Variants in FSTL5 observed in about 807,000 individuals in gnomAD.
FSTL5 encodes the protein follistatin like 5.
A neutral mutation model predicts 89.1 loss-of-function variants in FSTL5; 62 were observed. That is an observed-to-expected ratio of 0.70 (90% confidence interval 0.57 to 0.86). The LOEUF (loss-of-function observed/expected upper bound fraction) is 0.86. Among genes scored for constraint, FSTL5 ranks in the 40% least tolerant of loss-of-function variants. The probability of loss-of-function intolerance (pLI) is 0.00; values close to 1 mark genes in which losing one functional copy is unlikely to be tolerated. For synonymous variants in FSTL5, 383 were observed against 346.2 expected, an observed-to-expected ratio of 1.11 and a Z score of -1.18; for missense variants, 1,057 against 1,001.6, an observed-to-expected ratio of 1.06 and a Z score of -0.75.
At chr4:161,531,799 C>A (rs972029515) in intron 10 of FSTL5, among the ~76,000 whole-genome samples, 1 of 152,130 alleles carries the variant, frequency 6.6e-6, no homozygotes, top group African/African-American at 2.4e-5. Context: ...CTGCCTATAG[C>A]TATGCTATCA....
At chr4:161,419,255 GC>G (rs1343990796) in intron 15 of FSTL5, among the ~76,000 whole-genome samples, 1 of 152,018 alleles carries the variant, frequency 6.6e-6, no homozygotes, top group African/African-American at 2.4e-5. Context: ...TATTTGCCCA[GC>G]CTTTGTAATC....
At chr4:161,401,343 T>C (rs4691754) in intron 15 of FSTL5, among the ~76,000 whole-genome samples, 7,216 of 152,284 alleles carry the variant, frequency 0.047, 435 homozygotes, top group East Asian at 0.19. Context: ...AAAGCCAAAG[T>C]ATGTTGATGA....
intron 8 of FSTL5, among the ~76,000 whole-genome samples, chr4:161,544,265 T>C (rs1731932353): frequency 6.8e-6 from 1 of 146,402 alleles, no homozygotes; most frequent in Admixed American, 7.2e-5. Context: ...ATTGAGTATG[T>C]GGAGAAACTG....
intron 15 of FSTL5, among the ~76,000 whole-genome samples, chr4:161,433,381 A>G (rs942541423): frequency 4.6e-5 from 7 of 151,956 alleles, no homozygotes; most frequent in African/African-American, 1.7e-4. Flanking sequence ...AAAAACCCTA[A>G]AAAAACTGGT....
intron 6 of FSTL5, among the ~76,000 whole-genome samples, chr4:161,739,615 G>T (rs1739934176): frequency 6.6e-6 from 1 of 152,136 alleles, no homozygotes; most frequent in Non-Finnish European, 1.5e-5. Context: ...ATACAGCAGA[G>T]GGTAAAAACT....
chr4:161,563,149 T>G (rs1247902758), intron 8 of FSTL5, among the ~76,000 whole-genome samples: 1 of 151,934 alleles, frequency 6.6e-6, no homozygotes, highest in Non-Finnish European at 1.5e-5. Flanking sequence ...TCACCCTAAC[T>G]GGAAACATAT....
At chr4:162,036,601 C>T (rs971371645) in intron 2 of FSTL5, among the ~76,000 whole-genome samples, 1 of 151,588 alleles carries the variant, frequency 6.6e-6, no homozygotes. Flanking sequence ...CTGAGTATTG[C>T]AAAATGTATA....
intron 3 of FSTL5, among the ~76,000 whole-genome samples, chr4:162,006,035 A>C (rs1312311763): frequency 6.6e-6 from 1 of 152,076 alleles, no homozygotes; most frequent in Non-Finnish European, 1.5e-5. Context: ...AACTAGTGAC[A>C]GCTATACACA....
chr4:161,759,141 A>G (rs756401079), intron 6 of FSTL5, among the ~76,000 whole-genome samples: 1 of 152,186 alleles, frequency 6.6e-6, no homozygotes, highest in Admixed American at 6.5e-5. Flanking sequence ...ATAACCTTGA[A>G]AGCAGCATTG....
chr4:161,967,172 CT>C (rs1361143103), intron 3 of FSTL5, among the ~76,000 whole-genome samples: 1 of 151,714 alleles, frequency 6.6e-6, no homozygotes, highest in Admixed American at 6.6e-5. Context: ...TTTAGTTTAC[CT>C]GAGATAGTCA....
intron 4 of FSTL5, among the ~76,000 whole-genome samples, chr4:161,792,240 T>C (rs1579096313): frequency 6.6e-6 from 1 of 152,132 alleles, no homozygotes; most frequent in Admixed American, 6.5e-5. Flanking sequence ...AGCCCCCTGC[T>C]GCCTCAGCCC....
chr4:161,608,798 T>G, intron 7 of FSTL5, among the ~76,000 whole-genome samples: 1 of 152,098 alleles, frequency 6.6e-6, no homozygotes, highest in East Asian at 1.9e-4. Flanking sequence ...AAAAACATAT[T>G]TGATGACTCC....
intron 4 of FSTL5, among the ~76,000 whole-genome samples, chr4:161,834,290 T>C (rs1001079749): frequency 6.6e-6 from 1 of 152,146 alleles, no homozygotes; most frequent in African/African-American, 2.4e-5. Flanking sequence ...TAGGTATTGA[T>C]GGGACGTATC....
intron 8 of FSTL5, among the ~76,000 whole-genome samples, chr4:161,575,247 CT>C (rs1457205310): frequency 6.6e-6 from 1 of 151,992 alleles, no homozygotes; most frequent in African/African-American, 2.4e-5. Context: ...GATATGAGAC[CT>C]TTGTCAGATA....
intron 4 of FSTL5, among the ~76,000 whole-genome samples, chr4:161,785,900 A>G (rs1741888146): frequency 1.3e-5 from 2 of 152,080 alleles, no homozygotes; most frequent in Non-Finnish European, 2.9e-5. Flanking sequence ...CCTTGCCTCA[A>G]TATCTCAGTC....
At chr4:162,102,679 C>T (rs1731045338) in intron 2 of FSTL5, among the ~76,000 whole-genome samples, 1 of 129,810 alleles carries the variant, frequency 7.7e-6, no homozygotes, top group African/African-American at 2.6e-5. Context: ...ATATGTATAA[C>T]ATATTTATAT....
chr4:161,665,448 T>A (rs1736859285), intron 6 of FSTL5, among the ~76,000 whole-genome samples: 2 of 152,122 alleles, frequency 1.3e-5, no homozygotes, highest in African/African-American at 4.8e-5. Context: ...TTAGCCAGGA[T>A]GGTCTCGATC....
Position 161,385,813 on chromosome 4 carries a change from A to G in FSTL5, c.2478T>C (p.Asn826=), listed in dbSNP as rs1229197482. The stretch of plus-strand genomic sequence containing the variant: ...CTTCAGTGATCTCACAGTTTAATTT[A>G]TTGAGTCGTCCATCTAGGATGAAGA... ...DSLFILDGRL[N]KLNCEITEVE... Residue 826 remains asparagine, a synonymous_variant, in exon 16 of 16, where the codon AAT becomes AAC. Coordinates refer to ENST00000306100, the MANE Select transcript of FSTL5 (RefSeq NM_020116.5). 1.9e-6 allele frequency: 3 copies of G among 1,612,410 alleles called. No individual in the cohort carries two copies. Among genetic ancestry groups the G allele is most frequent in the African/African-American group, 2.7e-5 (2 of 74,842 alleles).
chr4:161,888,244 TGC>T (rs1163564156), intron 4 of FSTL5, among the ~76,000 whole-genome samples: 2 of 152,144 alleles, frequency 1.3e-5, no homozygotes, highest in African/African-American at 4.8e-5. Context: ...GAGTAATGTG[TGC>T]CACTTCCAGC....
Sources: gnomAD v4.1 joint callset for allele counts (sites outside exome capture counted in the v4.1 genomes callset) on GRCh38, gnomAD v4.1.1 for gene constraint, MANE v1.5 for transcripts, NCBI Gene and HGNC (gene_info 2026-07-23, HGNC 2026-07-21) for gene names.